The following DSE variants were observed in gnomAD, a reference collection of about 807,000 sequenced individuals.
The protein encoded by DSE is dermatan sulfate epimerase.
Under a neutral mutation model 84.4 loss-of-function variants are expected in DSE, and 36 were observed. The observed-to-expected ratio is 0.43, with a 90% CI of 0.33 to 0.56. DSE has a LOEUF of 0.56. DSE is among the 20% of genes least tolerant of loss of function. The pLI is 0.06. For synonymous variants in DSE, 410 were observed against 430.1 expected, an observed-to-expected ratio of 0.95 and a Z score of 0.58; for missense variants, 862 against 1,169.6, an observed-to-expected ratio of 0.74 and a Z score of 3.84.
chr6:116,401,923 TAAA>T (rs35815516), intron 2 of DSE, among the ~76,000 whole-genome samples: 1 of 148,206 alleles, frequency 6.7e-6, no homozygotes, highest in African/African-American at 2.5e-5. Context: ...ATTATGAAAG[TAAA>T]AAAAAAAAAA....
chr6:116,408,567 T>C (rs1173757267), intron 2 of DSE, among the ~76,000 whole-genome samples: 1 of 152,218 alleles, frequency 6.6e-6, no homozygotes, highest in African/African-American at 2.4e-5. Flanking sequence ...CTGCGTACTG[T>C]GGCTGCTCCT....
intron 4 of DSE, 32 bp from the exon 5 acceptor site, chr6:116,433,311 G>T (rs1399745368): frequency 1.4e-5 from 21 of 1,546,120 alleles, no homozygotes; most frequent in South Asian, 9.5e-5. Context: ...AGTTTTCAAA[G>T]TATCTTAATT....
In DSE at chr6:116,422,707, A is replaced by G. The variant is rs531228639; in HGVS notation, c.417-3867A>G. Among the ~76,000 whole-genome samples the G allele has an allele frequency of 2.6e-5, 4 of 152,374 alleles. No individual in the cohort carries two copies. The South Asian group carries it at 6.2e-4, about 24-fold the overall frequency. The stretch of plus-strand genomic sequence containing the variant: ...ACAACAACAACAAAAACCTGAGTGC[A>G]TGGCAGTGCAAAATCATACAAGGAC... On this transcript the variant is annotated intron_variant, in intron 2 of 5. Coordinates refer to ENST00000644252, the MANE Select transcript of DSE (RefSeq NM_013352.4).
intron 1 of DSE, among the ~76,000 whole-genome samples, chr6:116,390,955 G>T (rs1780864185): frequency 6.6e-6 from 1 of 152,120 alleles, no homozygotes; most frequent in Non-Finnish European, 1.5e-5. Flanking sequence ...CATGCACCAG[G>T]CTAACCTCTA....
chr6:116,304,977 A>G (rs1775256845), intron 2 of DSE, among the ~76,000 whole-genome samples: 2 of 152,136 alleles, frequency 1.3e-5, no homozygotes, highest in Admixed American at 6.6e-5. Context: ...CTTGAGCTCC[A>G]TGACTTTTTT....
At chr6:116,333,410 G>A (rs1436052361) in intron 2 of DSE, among the ~76,000 whole-genome samples, 1 of 152,140 alleles carries the variant, frequency 6.6e-6, no homozygotes, top group Non-Finnish European at 1.5e-5. Flanking sequence ...GAGAAAAAGA[G>A]GGCCAAACTC....
chr6:116,426,303 C>G (rs1783447473), intron 2 of DSE, among the ~76,000 whole-genome samples: 1 of 152,194 alleles, frequency 6.6e-6, no homozygotes. Context: ...ATATATTCTA[C>G]TACTTCTTGT....
At chr6:116,420,101 G>A (rs1011574442) in intron 2 of DSE, among the ~76,000 whole-genome samples, 8 of 152,160 alleles carry the variant, frequency 5.3e-5, no homozygotes, top group Non-Finnish European at 1.2e-4. Flanking sequence ...GAGTTCTATT[G>A]TTTCTAGTAT....
At chr6:116,316,826 C>CTAT (rs5879374) in intron 2 of DSE, among the ~76,000 whole-genome samples, 7,686 of 145,822 alleles carry the variant, frequency 0.053, 367 homozygotes, top group African/African-American at 0.13. Flanking sequence ...ACTACTACTA[C>CTAT]TATTATTATT....
chr6:116,276,051 T>A (rs1773126971), intron 2 of DSE, among the ~76,000 whole-genome samples: 1 of 152,228 alleles, frequency 6.6e-6, no homozygotes, highest in Non-Finnish European at 1.5e-5. Context: ...GAATTCACTG[T>A]AATGAATAAT....
chr6:116,347,001 G>T (rs151157093), intron 2 of DSE, among the ~76,000 whole-genome samples: 1,827 of 152,268 alleles, frequency 0.012, 22 homozygotes, highest in Non-Finnish European at 0.02. Flanking sequence ...GCAAAATCAT[G>T]AGTGAACTCC....
intron 2 of DSE, among the ~76,000 whole-genome samples, chr6:116,293,886 G>T (rs1456802643): frequency 6.6e-6 from 1 of 151,638 alleles, no homozygotes; most frequent in East Asian, 1.9e-4. Flanking sequence ...GCCTCAAAAA[G>T]AAATAAAAAG....
In DSE at chr6:116,422,939, G is replaced by A. The variant is rs549504816; in HGVS notation, c.417-3635G>A. ...TACTTTGAGAACAGCTGCTCTAAGG[G>A]GTGAAACTGTAGTTTACAAAAGAGG... On this transcript the variant is annotated intron_variant, in intron 2 of 5. Coordinates refer to ENST00000644252, the MANE Select transcript of DSE (RefSeq NM_013352.4). 1.3e-5 allele frequency among the ~76,000 whole-genome samples: 2 copies of A among 152,260 alleles called. 1 individual carries two copies. The highest frequency in any genetic ancestry group is 4.2e-4 in the South Asian group (2 of 4,816).
chr6:116,362,606 A>C (rs1178115282), intron 2 of DSE, among the ~76,000 whole-genome samples: 1 of 152,166 alleles, frequency 6.6e-6, no homozygotes, highest in African/African-American at 2.4e-5. Context: ...TTGATCTTGA[A>C]CTTCCTAGCC....
chr6:116,275,795 T>A (rs1319660254), intron 2 of DSE, among the ~76,000 whole-genome samples: 2 of 122,352 alleles, frequency 1.6e-5, no homozygotes, highest in Admixed American at 7.5e-5. Context: ...TGGGACTCTA[T>A]CTCAAAAAAA....
chr6:116,371,385 C>A (rs866126239), intron 1 of DSE, among the ~76,000 whole-genome samples: 22 of 152,198 alleles, frequency 1.4e-4, no homozygotes, highest in African/African-American at 5.3e-4. Flanking sequence ...TCCTCCCCAC[C>A]CCCTTGAACG....
chr6:116,361,394 T>G (rs796507152), intron 2 of DSE, among the ~76,000 whole-genome samples: 4 of 152,292 alleles, frequency 2.6e-5, no homozygotes, highest in African/African-American at 9.6e-5. Context: ...TACCCATAGC[T>G]TCTTAGTTTA....
At chr6:116,311,848 A>G (rs1215305321) in intron 2 of DSE, among the ~76,000 whole-genome samples, 2 of 152,178 alleles carry the variant, frequency 1.3e-5, no homozygotes, top group African/African-American at 2.4e-5. Flanking sequence ...TCTGCATGAT[A>G]GTTATCACCA....
chr6:116,259,073 G>A, intron 2 of DSE: 1 of 1,548,350 alleles, frequency 6.5e-7, no homozygotes, highest in East Asian at 2.3e-5. Context: ...TTGATGTCTG[G>A]GGTCTCTGCC....
Sources: allele counts gnomAD v4.1 joint callset (sites outside exome capture counted in the v4.1 genomes callset), GRCh38; gene constraint gnomAD v4.1.1; transcripts MANE v1.5; gene names NCBI Gene and HGNC (gene_info 2026-07-23, HGNC 2026-07-21).